Variants in DEPDC1B observed in about 807,000 individuals in gnomAD.
The protein encoded by DEPDC1B is DEP domain containing 1B, also known as DEP domain-containing protein 1B.
A neutral mutation model predicts 66.5 loss-of-function variants in DEPDC1B; 51 were observed. The observed-to-expected ratio is 0.77, with a 90% CI of 0.61 to 0.97. DEPDC1B has a LOEUF of 0.97. Ranked by LOEUF, DEPDC1B falls within the 50% of genes least tolerant of loss-of-function variation. The pLI, the probability that DEPDC1B is intolerant of heterozygous loss-of-function variation, is 0.00. For missense variants in DEPDC1B, 552 were observed against 637.1 expected, an observed-to-expected ratio of 0.87 and a Z score of 1.44; for synonymous variants, 226 against 223.6, an observed-to-expected ratio of 1.01 and a Z score of -0.10.
chr5:60,617,080 C>G (rs2111765107), intron 7 of DEPDC1B, among the ~76,000 whole-genome samples: 1 of 152,216 alleles, frequency 6.6e-6, no homozygotes, highest in South Asian at 2.1e-4. Flanking sequence ...TACAGACAAG[C>G]AAATGCTGAG....
intron 10 of DEPDC1B, among the ~76,000 whole-genome samples, chr5:60,598,645 T>C (rs1215502232): frequency 6.6e-6 from 1 of 152,206 alleles, no homozygotes; most frequent in Non-Finnish European, 1.5e-5. Context: ...GGCAAGAAAC[T>C]AATTTGATAG....
At chr5:60,667,633 A>ATG (rs1753883699) in intron 2 of DEPDC1B, among the ~76,000 whole-genome samples, 1 of 136,628 alleles carries the variant, frequency 7.3e-6, no homozygotes, top group Non-Finnish European at 1.6e-5. Flanking sequence ...GATATTTTAC[A>ATG]TATATGAAAA....
chr5:60,612,528 CAA>C (rs35196065), intron 7 of DEPDC1B, among the ~76,000 whole-genome samples: 1,647 of 90,178 alleles, frequency 0.018, 11 homozygotes, highest in Middle Eastern at 0.03. Context: ...GAGATCTGCT[CAA>C]AAAAAAAAAA....
At chr5:60,610,124 AGAATGAAT>A (rs752601702) in intron 7 of DEPDC1B, among the ~76,000 whole-genome samples, 1 of 152,208 alleles carries the variant, frequency 6.6e-6, no homozygotes, top group African/African-American at 2.4e-5. Context: ...TTCTGTGTAA[AGAATGAAT>A]GAATGAATGA....
intron 7 of DEPDC1B, among the ~76,000 whole-genome samples, chr5:60,618,662 T>A (rs1399858099): frequency 4.6e-5 from 7 of 151,952 alleles, no homozygotes; most frequent in African/African-American, 1.7e-4. Context: ...TACCAACCAA[T>A]AAAAGTCCAG....
chr5:60,639,211 T>A, intron 6 of DEPDC1B, among the ~76,000 whole-genome samples: 1 of 152,336 alleles, frequency 6.6e-6, no homozygotes, highest in Non-Finnish European at 1.5e-5. Context: ...AAGGCATTTT[T>A]ATTAAATGTA....
chr5:60,660,188 G>A (rs1753676257), intron 2 of DEPDC1B, among the ~76,000 whole-genome samples: 1 of 150,988 alleles, frequency 6.6e-6, no homozygotes, highest in South Asian at 2.1e-4. Context: ...ACAGAGAGGA[G>A]AGAGAGAGAG....
At chr5:60,683,154 G>T (rs554047270) in intron 2 of DEPDC1B, among the ~76,000 whole-genome samples, 5 of 152,168 alleles carry the variant, frequency 3.3e-5, no homozygotes, top group Non-Finnish European at 2.9e-5. Flanking sequence ...AATCTGCCAG[G>T]CATGGTGGCT....
At chr5:60,654,091 C>T (rs1049173513) in intron 2 of DEPDC1B, among the ~76,000 whole-genome samples, 2 of 149,008 alleles carry the variant, frequency 1.3e-5, no homozygotes, top group African/African-American at 5.1e-5. Flanking sequence ...TATGTGGGCT[C>T]TTTTTTGGTT....
At chr5:60,672,473 A>C (rs558717147) in intron 2 of DEPDC1B, among the ~76,000 whole-genome samples, 1 of 152,200 alleles carries the variant, frequency 6.6e-6, no homozygotes, top group Non-Finnish European at 1.5e-5. Flanking sequence ...CAAAGGGGAA[A>C]GTGCCACACT....
At chr5:60,604,871 A>G (rs1296503878) in intron 8 of DEPDC1B, among the ~76,000 whole-genome samples, 1 of 151,880 alleles carries the variant, frequency 6.6e-6, no homozygotes, top group Non-Finnish European at 1.5e-5. Flanking sequence ...CCATCCACTC[A>G]CTCCAAAAAA....
At chr5:60,616,017 T>C (rs1752545049) in intron 7 of DEPDC1B, among the ~76,000 whole-genome samples, 1 of 152,194 alleles carries the variant, frequency 6.6e-6, no homozygotes, top group Non-Finnish European at 1.5e-5. Context: ...CTGCTGCTGA[T>C]ACCCAGGCAA....
intron 7 of DEPDC1B, among the ~76,000 whole-genome samples, chr5:60,616,844 C>A (rs1000564854): frequency 1.3e-5 from 2 of 152,008 alleles, no homozygotes; most frequent in African/African-American, 4.8e-5. Flanking sequence ...GTCAGATTCA[C>A]CAAAGTTGAA....
intron 7 of DEPDC1B, among the ~76,000 whole-genome samples, chr5:60,622,107 T>G (rs1215842555): frequency 6.6e-6 from 1 of 152,186 alleles, no homozygotes; most frequent in African/African-American, 2.4e-5. Flanking sequence ...TACAAAAATG[T>G]ACCCATTTTA....
chr5:60,624,770 G>A (rs940042194), intron 7 of DEPDC1B, among the ~76,000 whole-genome samples: 11 of 152,038 alleles, frequency 7.2e-5, no homozygotes, highest in Non-Finnish European at 1.2e-4. Context: ...TGTACAGAAC[G>A]TGCAGGTTTG....
At chr5:60,668,259 A>ATATATATATATAAAATGGATATTT (rs1753947762) in intron 2 of DEPDC1B, among the ~76,000 whole-genome samples, 2 of 37,918 alleles carry the variant, frequency 5.3e-5, no homozygotes, top group African/African-American at 8.0e-5. Context: ...AATGGATATT[A>ATATATATATATAAAATGGATATTT]TATATATATA....
chr5:60,599,285 A>G, intron 9 of DEPDC1B, 25 bp from the exon 10 acceptor site: 2 of 1,531,664 alleles, frequency 1.3e-6, no homozygotes, highest in Admixed American at 2.1e-5. Context: ...TTAGTAGTGA[A>G]AGAATATAGC....
intron 4 of DEPDC1B, 93 bp from the exon 5 acceptor site, chr5:60,644,968 T>A: frequency 1.0e-6 from 1 of 988,722 alleles, no homozygotes; most frequent in Non-Finnish European, 1.4e-6. Context: ...TTTATAATGC[T>A]TTATTTTCAT....
At chr5:60,597,969 A>T in intron 10 of DEPDC1B, 55 bp from the exon 11 acceptor site, 1 of 1,461,716 alleles carries the variant, frequency 6.8e-7, no homozygotes. Flanking sequence ...AAGCCAATAA[A>T]ATTTGGCAGC....
Sources: gnomAD v4.1 joint callset for allele counts (sites outside exome capture counted in the v4.1 genomes callset) on GRCh38, gnomAD v4.1.1 for gene constraint, MANE v1.5 for transcripts, NCBI Gene and HGNC (gene_info 2026-07-23, HGNC 2026-07-21) for gene names.